The following ZFAND3 variants were observed in gnomAD, a reference collection of about 807,000 sequenced individuals.
ZFAND3 encodes zinc finger AN1-type containing 3.
A neutral mutation model predicts 29.6 loss-of-function variants in ZFAND3; 10 were observed. That is an observed-to-expected ratio of 0.34 (90% confidence interval 0.21 to 0.57). ZFAND3 has a LOEUF of 0.57. Among genes scored for constraint, ZFAND3 ranks in the 20% least tolerant of loss-of-function variants. The pLI, the probability that ZFAND3 is intolerant of heterozygous loss-of-function variation, is 0.86. For missense variants in ZFAND3, 230 were observed against 304.5 expected (o/e 0.76, Z 1.82); for synonymous variants, 128 against 112.6 (o/e 1.14, Z -0.87).
At chr6:38,125,811 A>G (rs1344147704) in intron 5 of ZFAND3, among the ~76,000 whole-genome samples, 2 of 152,222 alleles carry the variant, frequency 1.3e-5, no homozygotes, top group Non-Finnish European at 2.9e-5. Flanking sequence ...TTTGTTTAAT[A>G]AAGTTTTTAA....
intron 1 of ZFAND3, among the ~76,000 whole-genome samples, chr6:37,923,574 T>A (rs967269989): frequency 1.3e-5 from 2 of 152,220 alleles, no homozygotes; most frequent in African/African-American, 4.8e-5. Context: ...GTATAGTAAA[T>A]ACACAAACCA....
At chr6:38,049,987 C>T (rs1222261655) in intron 2 of ZFAND3, among the ~76,000 whole-genome samples, 1 of 124,410 alleles carries the variant, frequency 8.0e-6, no homozygotes, top group Non-Finnish European at 1.6e-5. Context: ...CAGAGTCTCT[C>T]TCTGTCTCCC....
intron 2 of ZFAND3, among the ~76,000 whole-genome samples, chr6:38,024,729 T>C (rs1763415638): frequency 6.6e-6 from 1 of 152,254 alleles, no homozygotes; most frequent in South Asian, 2.1e-4. Flanking sequence ...ATTATATGAT[T>C]CTATTTGTAT....
intron 3 of ZFAND3, among the ~76,000 whole-genome samples, chr6:38,080,712 A>T (rs1764645297): frequency 6.6e-6 from 1 of 152,166 alleles, no homozygotes; most frequent in African/African-American, 2.4e-5. Flanking sequence ...TAACAAAAAC[A>T]AAGAACCCTT....
chr6:38,059,902 C>G (rs1298908350), intron 2 of ZFAND3, among the ~76,000 whole-genome samples: 1 of 152,086 alleles, frequency 6.6e-6, no homozygotes, highest in Non-Finnish European at 1.5e-5. Flanking sequence ...AATTCATTCT[C>G]TAATTGTTGG....
intron 1 of ZFAND3, among the ~76,000 whole-genome samples, chr6:37,899,874 C>G (rs546892608): frequency 6.6e-6 from 1 of 152,246 alleles, no homozygotes; most frequent in South Asian, 2.1e-4. Flanking sequence ...GGGGAGTATC[C>G]TTCTACTTTG....
At chr6:38,098,338 G>T (rs1177336132) in intron 4 of ZFAND3, among the ~76,000 whole-genome samples, 2 of 152,124 alleles carry the variant, frequency 1.3e-5, no homozygotes, top group Non-Finnish European at 2.9e-5. Flanking sequence ...GTAGAGACAG[G>T]GTTTTTTCAC....
At chr6:38,051,473 G>C (rs953445989) in intron 2 of ZFAND3, among the ~76,000 whole-genome samples, 2 of 152,160 alleles carry the variant, frequency 1.3e-5, no homozygotes, top group Non-Finnish European at 2.9e-5. Context: ...CAGCAGTTAC[G>C]TTCATGCCAC....
chr6:37,832,765 C>T (rs904466293), intron 1 of ZFAND3, among the ~76,000 whole-genome samples: 2 of 152,142 alleles, frequency 1.3e-5, no homozygotes, highest in Admixed American at 6.5e-5. Flanking sequence ...TAGCCTCGAA[C>T]TCCTGGGCTT....
At chr6:37,951,561 C>T (rs1193656017) in intron 2 of ZFAND3, among the ~76,000 whole-genome samples, 1 of 152,078 alleles carries the variant, frequency 6.6e-6, no homozygotes, top group East Asian at 1.9e-4. Flanking sequence ...TGCCACTGCA[C>T]TCCAGCCTGG....
At chr6:37,883,409 C>A (rs1457844291) in intron 1 of ZFAND3, among the ~76,000 whole-genome samples, 1 of 152,144 alleles carries the variant, frequency 6.6e-6, no homozygotes, top group Non-Finnish European at 1.5e-5. Flanking sequence ...GGATGGCCCC[C>A]ACCCCCTACC....
intron 1 of ZFAND3, among the ~76,000 whole-genome samples, chr6:37,863,619 T>C (rs1764533888): frequency 1.3e-5 from 2 of 152,188 alleles, no homozygotes; most frequent in Non-Finnish European, 1.5e-5. Context: ...TTTTTTTTTT[T>C]TTCTTTTTCA....
At chr6:37,858,765 A>G (rs1351703978) in intron 1 of ZFAND3, among the ~76,000 whole-genome samples, 1 of 152,216 alleles carries the variant, frequency 6.6e-6, no homozygotes, top group Non-Finnish European at 1.5e-5. Context: ...GATGTTTTTA[A>G]AAACAATTTT....
Position 37,967,853 on chromosome 6 carries a change from A to G in ZFAND3, c.112+37854A>G, listed in dbSNP as rs567406090. Among the ~76,000 whole-genome samples, 16 of 152,120 alleles carry G rather than the reference A, an allele frequency of 1.1e-4. No homozygotes were observed. In the East Asian group the frequency reaches 3.1e-3, roughly 29 times the overall value. Reference sequence around the variant, plus strand: ...TAAGTGTTGACTCCACATTCCAGACACTTCCCCTTTTTTGATGTAGTCACC... The same window carrying G: ...TAAGTGTTGACTCCACATTCCAGACGCTTCCCCTTTTTTGATGTAGTCACC... On this transcript the variant is annotated intron_variant, in intron 2 of 5. Transcript: ENST00000287218.
intron 2 of ZFAND3, among the ~76,000 whole-genome samples, chr6:38,010,904 C>CTTTTTT (rs35362297): frequency 7.6e-6 from 1 of 131,088 alleles, no homozygotes; most frequent in Non-Finnish European, 1.6e-5. Flanking sequence ...CCCGGCCCAA[C>CTTTTTT]TTTTTTTTTT....
At chr6:38,099,588 C>T (rs1432314399) in intron 4 of ZFAND3, among the ~76,000 whole-genome samples, 1 of 152,124 alleles carries the variant, frequency 6.6e-6, no homozygotes, top group African/African-American at 2.4e-5. Flanking sequence ...TATGCATTTC[C>T]CACACCCATC....
Position 37,833,028 on chromosome 6 carries a change from ACTC to A in ZFAND3, c.71+13018_71+13020del, listed in dbSNP as rs1407906837. The A allele has an allele frequency of 4.0e-5, 6 of 151,766 alleles. No individual in the cohort carries two copies. In the East Asian group the frequency reaches 1.2e-3, roughly 30 times the overall value. 9.4% of individuals were successfully genotyped at this position (151,766 alleles called of 1,614,324 possible). On this transcript the variant is annotated intron_variant, in intron 1 of 5. Transcript: ENST00000287218. Reference sequence around the variant, plus strand: ...CTCCATTTCTAACCTGGGCCAGTTCACTCCTCCTTTGGTAACCTGATGGTCCTT... The same window carrying A: ...CTCCATTTCTAACCTGGGCCAGTTCACTCCTTTGGTAACCTGATGGTCCTT...
chr6:38,151,504 G>T (rs1766224315), intron 5 of ZFAND3, among the ~76,000 whole-genome samples: 1 of 146,478 alleles, frequency 6.8e-6, no homozygotes, highest in South Asian at 2.2e-4. Context: ...GGACAGCTGG[G>T]GGTCCGAGTG....
At chr6:37,958,078 AT>A (rs1762131972) in intron 2 of ZFAND3, among the ~76,000 whole-genome samples, 1 of 152,224 alleles carries the variant, frequency 6.6e-6, no homozygotes, top group South Asian at 2.1e-4. Flanking sequence ...TAGTCATAAA[AT>A]TTTAAAAAAT....
Sources: allele counts gnomAD v4.1 joint callset (sites outside exome capture counted in the v4.1 genomes callset), GRCh38; gene constraint gnomAD v4.1.1; transcripts MANE v1.5; gene names NCBI Gene and HGNC (gene_info 2026-07-23, HGNC 2026-07-21).